Variants in APMAP observed in about 807,000 individuals in gnomAD.
APMAP encodes the protein adipocyte plasma membrane associated protein, also known as adipocyte plasma membrane-associated protein.
APMAP carries 33 observed loss-of-function variants against 43.6 expected under a neutral mutation model. That is an observed-to-expected ratio of 0.76 (90% CI 0.57 to 1.01). The LOEUF (loss-of-function observed/expected upper bound fraction) is 1.01, where lower values mean the gene tolerates loss of function less well. APMAP is among the 50% of genes least tolerant of loss of function. The probability of loss-of-function intolerance (pLI) is 0.00; values close to 1 mark genes in which losing one functional copy is unlikely to be tolerated. For missense variants in APMAP, 498 were observed against 540.7 expected, an observed-to-expected ratio of 0.92 and a Z score of 0.78; for synonymous variants, 224 against 216.7, an observed-to-expected ratio of 1.03 and a Z score of -0.30.
rs568057669 is a variant in APMAP at position 24,987,485 on chromosome 20, A to G, written c.96-3466T>C. Among the ~76,000 whole-genome samples, 4 of 152,348 alleles carry G rather than the reference A, an allele frequency of 2.6e-5. No homozygotes were observed. The South Asian group carries it at 8.3e-4, about 32-fold the overall frequency. ...GGGAAATGGGAGTGATTACTTAATCAGTACAAGGTAAACACCTTGCTTTTA... is the reference window on the plus strand; with the variant it reads ...GGGAAATGGGAGTGATTACTTAATCGGTACAAGGTAAACACCTTGCTTTTA... On this transcript the variant is annotated intron_variant, in intron 1 of 8. Transcript: ENST00000217456.
chr20:24,989,656 G>A (rs2088175087), intron 1 of APMAP, among the ~76,000 whole-genome samples: 1 of 151,762 alleles, frequency 6.6e-6, no homozygotes. Flanking sequence ...TTTAGTGACA[G>A]CATCTTGAAT....
At position 24,978,745 on chromosome 20, in the gene APMAP, C is replaced by CA. The variant is rs1555845604; in HGVS notation, c.328+21_328+22insT. 8.3e-5 allele frequency: 112 copies of CA among 1,343,146 alleles called. 1 individual carries two copies. In the South Asian group the frequency reaches 1.3e-3, roughly 16 times the overall value. 83.2% of individuals were successfully genotyped at this position (1,343,146 alleles called of 1,614,324 possible). A position where few individuals can be genotyped will look rare whatever the true frequency, so the allele number is the denominator to read the frequency against. ...CAACAGACAGCCTGGAAGGCTCCCC[C>CA]CCCACCCAAGCTTAGACTTACCCCC... On this transcript the variant is annotated intron_variant, in intron 3 of 8. Transcript: ENST00000217456.
chr20:24,962,938 C>T lies in APMAP; in HGVS notation c.*875G>A, dbSNP rs1163285470. On this transcript the variant is annotated 3_prime_UTR_variant, in exon 9 of 9. Coordinates refer to ENST00000217456, the MANE Select transcript of APMAP (RefSeq NM_020531.3). ...CACACCATCAAAAAAGGTTAATCAGCAGAAGTCGATTTATCGTTATTTATT... is the reference window on the plus strand; with the variant it reads ...CACACCATCAAAAAAGGTTAATCAGTAGAAGTCGATTTATCGTTATTTATT... The T allele has an allele frequency of 6.6e-6, 1 of 152,200 alleles. No individual in the cohort carries two copies. The highest frequency in any genetic ancestry group is 1.9e-4 in the East Asian group (1 of 5,206). The allele number at this position is 152,200 out of a possible 1,614,324, so 9.4% of individuals were successfully genotyped here.
At chr20:24,970,008 A>G (rs991365148) in intron 6 of APMAP, among the ~76,000 whole-genome samples, 189 bp downstream of exon 6, 1 of 152,202 alleles carries the variant, frequency 6.6e-6, no homozygotes, top group African/African-American at 2.4e-5. Flanking sequence ...TTCCTCAGAG[A>G]AAACGAAAGC....
rs186672206 is a variant in APMAP, at chr20:24,992,721, C to A, written c.-33G>T. ...GCGCCAGCCTCACCCGCAGAAACCA[C>A]CTCACACTGAGCGGCGCCGGCTCAG... On this transcript the variant is annotated 5_prime_UTR_variant, in exon 1 of 9. Transcript: ENST00000217456. The A allele has an allele frequency of 1.7e-4, 247 of 1,454,072 alleles. No individual in the cohort carries two copies. The African/African-American group carries it at 2.8e-3, about 16-fold the overall frequency. The allele number at this position is 1,454,072 out of a possible 1,614,324, so 90.1% of individuals were successfully genotyped here. A position where few individuals can be genotyped will look rare whatever the true frequency, so the allele number is the denominator to read the frequency against.
intron 5 of APMAP, among the ~76,000 whole-genome samples, chr20:24,970,955 A>G (rs2087993666): frequency 6.6e-6 from 1 of 152,182 alleles, no homozygotes; most frequent in Non-Finnish European, 1.5e-5. Flanking sequence ...TCGGGCCCCC[A>G]CGCACAAGAC....
intron 3 of APMAP, among the ~76,000 whole-genome samples, chr20:24,976,089 G>A (rs1412927176): frequency 6.6e-6 from 1 of 152,086 alleles, no homozygotes; most frequent in Non-Finnish European, 1.5e-5. Flanking sequence ...CTAGAACATA[G>A]GAGAAAATCT....
At chr20:24,990,813 C>T (rs6050238) in intron 1 of APMAP, among the ~76,000 whole-genome samples, 13,677 of 151,900 alleles carry the variant, frequency 0.09, 702 homozygotes, top group Middle Eastern at 0.12. Flanking sequence ...ATAATAATTG[C>T]GGAAAGGAAG....
At chr20:24,986,308 C>T (rs1015418619) in intron 1 of APMAP, among the ~76,000 whole-genome samples, 2 of 152,246 alleles carry the variant, frequency 1.3e-5, no homozygotes, top group Middle Eastern at 3.4e-3. Context: ...CAGTCCTTAC[C>T]CCTTTTATTA....
chr20:24,975,857 GC>G (rs1315257194), intron 3 of APMAP, among the ~76,000 whole-genome samples: 3 of 152,166 alleles, frequency 2.0e-5, no homozygotes, highest in Non-Finnish European at 4.4e-5. Flanking sequence ...AAAATTTTTA[GC>G]CCAGAGACAG....
chr20:24,978,231 A>T (rs541886236), intron 3 of APMAP, among the ~76,000 whole-genome samples: 1 of 152,332 alleles, frequency 6.6e-6, no homozygotes, highest in South Asian at 2.1e-4. Context: ...GTTGCTAGAG[A>T]TGCAAGTATT....
At chr20:24,975,429 C>G (rs183403605) in intron 3 of APMAP, among the ~76,000 whole-genome samples, 18 of 152,242 alleles carry the variant, frequency 1.2e-4, no homozygotes, top group Admixed American at 1.3e-4. Context: ...TGTACATTAG[C>G]ATCCAAAAGA....
rs137970769 is a variant in APMAP at position 24,974,109 on chromosome 20, T to C, written c.329-372A>G. On this transcript the variant is annotated intron_variant, in intron 3 of 8. Transcript: ENST00000217456. ...ATCAGTGTCTGCTGCTGATATTGAT[T>C]ATATCCAACTAAAGGAGAAGAACTG... The C allele has an allele frequency of 9.3e-4, 152 of 162,702 alleles. 3 individuals are homozygous for C. The highest frequency in any genetic ancestry group is 6.0e-3 in the Middle Eastern group (2 of 334). 10.1% of individuals were successfully genotyped at this position (162,702 alleles called of 1,614,324 possible). A position where few individuals can be genotyped will look rare whatever the true frequency, so the allele number is the denominator to read the frequency against.
At chr20:24,987,723 C>T (rs1029026625) in intron 1 of APMAP, among the ~76,000 whole-genome samples, 1 of 152,036 alleles carries the variant, frequency 6.6e-6, no homozygotes, top group African/African-American at 2.4e-5. Flanking sequence ...CTAAAAATCA[C>T]TGATTTGAAC....
rs776956557 is a variant in APMAP at position 24,992,608 on chromosome 20, C to T, written c.81G>A (p.Glu27=). Residue 27 remains glutamate (E), a synonymous_variant, in exon 1 of 9, where the codon GAG becomes GAA. Transcript: ENST00000217456. The part of the protein sequence containing the change: ...VVTDDDGQAP[E]AKDGSSFSGR... ...GTCCGCCCTACCTGCCGTCCTTAGCCTCCGGGGCCTGGCCATCATCGTCTG... is the reference window on the plus strand; with the variant it reads ...GTCCGCCCTACCTGCCGTCCTTAGCTTCCGGGGCCTGGCCATCATCGTCTG... 2 of 1,564,312 alleles carry T rather than the reference C, an allele frequency of 1.3e-6. No individual in the cohort carries two copies. The highest frequency in any genetic ancestry group is 2.4e-5 in the South Asian group (2 of 84,978).
At chr20:24,969,449 C>A in intron 7 of APMAP, 77 bp downstream of exon 7, 1 of 1,527,684 alleles carries the variant, frequency 6.5e-7, no homozygotes, top group Non-Finnish European at 8.8e-7. Flanking sequence ...TCTGTCGATC[C>A]CATTTCCATG....
At chr20:24,978,911 G>C (rs2088076554) in intron 2 of APMAP, 29 bp from the exon 3 acceptor site, 1 of 1,551,068 alleles carries the variant, frequency 6.4e-7, no homozygotes, top group East Asian at 2.2e-5. Context: ...CCAGAGATCT[G>C]TCTATAAATA....
chr20:24,990,662 C>T (rs2088184013), intron 1 of APMAP, among the ~76,000 whole-genome samples: 1 of 152,192 alleles, frequency 6.6e-6, no homozygotes, highest in Non-Finnish European at 1.5e-5. Flanking sequence ...TATACACAGG[C>T]TTTCCTGGCT....
chr20:24,974,408 A>G (rs575563385), intron 3 of APMAP: 1 of 152,346 alleles, frequency 6.6e-6, no homozygotes, highest in South Asian at 2.1e-4. Context: ...CAAAAGACAA[A>G]AAGAGAGTAG....
Sources: allele counts gnomAD v4.1 joint callset (sites outside exome capture counted in the v4.1 genomes callset), GRCh38; gene constraint gnomAD v4.1.1; transcripts MANE v1.5; gene names NCBI Gene and HGNC (gene_info 2026-07-23, HGNC 2026-07-21).